Variants in CCDC13 observed in about 807,000 individuals in gnomAD.
CCDC13 encodes the protein coiled-coil domain-containing protein 13.
Under a neutral mutation model 87.3 loss-of-function variants are expected in CCDC13, and 70 were observed. The ratio of observed to expected loss-of-function variants is 0.80; its 90% CI spans 0.66 to 0.98. CCDC13 has a LOEUF of 0.98. Among genes scored for constraint, CCDC13 ranks in the 50% least tolerant of loss-of-function variants. The pLI, the probability that CCDC13 is intolerant of heterozygous loss-of-function variation, is 0.00. For synonymous variants in CCDC13, 317 were observed against 360.3 expected, an observed-to-expected ratio of 0.88 and a Z score of 1.36; for missense variants, 842 against 892.0, an observed-to-expected ratio of 0.94 and a Z score of 0.71.
At chr3:42,718,866 A>G (rs1344261717) in intron 13 of CCDC13, 1 of 152,200 alleles carries the variant, frequency 6.6e-6, no homozygotes, top group Non-Finnish European at 1.5e-5. Flanking sequence ...AGTGGGGTAC[A>G]TAAACCCAGG....
chr3:42,761,456 G>A (rs1285256708), intron 1 of CCDC13, among the ~76,000 whole-genome samples: 1 of 152,132 alleles, frequency 6.6e-6, no homozygotes, highest in Non-Finnish European at 1.5e-5. Context: ...AGAGTCATCT[G>A]ACACATTATA....
At chr3:42,759,634 G>A (rs1463880123) in intron 1 of CCDC13, among the ~76,000 whole-genome samples, 2 of 152,062 alleles carry the variant, frequency 1.3e-5, no homozygotes, top group South Asian at 2.1e-4. Flanking sequence ...AAGCTCATTC[G>A]TTTTTATTAC....
chr3:42,758,460 C>A, intron 1 of CCDC13, 109 bp from the exon 2 acceptor site: 1 of 1,001,098 alleles, frequency 1.0e-6, no homozygotes. Flanking sequence ...CTTCGCGTTG[C>A]ATGTATGTCC....
At chr3:42,732,171 T>C (rs1169422453) in intron 12 of CCDC13, among the ~76,000 whole-genome samples, 1 of 152,194 alleles carries the variant, frequency 6.6e-6, no homozygotes, top group Non-Finnish European at 1.5e-5. Context: ...CCCAGCCTGA[T>C]GGGTGGGGCA....
rs961813439 is a variant in CCDC13, at chr3:42,745,912, G to A, written c.825+11C>T. Reference sequence around the variant, plus strand: ...TTGTTCAGGCCAGGAGAAGTCTGATGACTCACTCACCTTGCTCTGCAAAAC... The same window carrying A: ...TTGTTCAGGCCAGGAGAAGTCTGATAACTCACTCACCTTGCTCTGCAAAAC... On this transcript the variant is annotated intron_variant, in intron 7 of 15. Coordinates refer to ENST00000310232, the MANE Select transcript of CCDC13 (RefSeq NM_144719.4). 6.2e-7 allele frequency: 1 copy of A among 1,601,622 alleles called. No individual in the cohort carries two copies. Among genetic ancestry groups the A allele is most frequent in the Non-Finnish European group, 8.6e-7 (1 of 1,168,716 alleles).
At position 42,735,287 on chromosome 3, in the gene CCDC13, G is replaced by T. The variant is rs1698970928; in HGVS notation, c.1371+420C>A. Among the ~76,000 whole-genome samples, 8 of 151,690 alleles carry T rather than the reference G, an allele frequency of 5.3e-5. 1 individual carries two copies. In the South Asian group the frequency reaches 1.7e-3, roughly 32 times the overall value. On this transcript the variant is annotated intron_variant, in intron 10 of 15. Transcript: ENST00000310232. ...GTAGCAGAGTGTAGGGAAAGGGGAG[G>T]GGTGAAGAGAAGATGCAGGAGGGGT...
intron 14 of CCDC13, 21 bp downstream of exon 14, chr3:42,713,141 G>A (rs748118559): frequency 5.6e-6 from 9 of 1,610,718 alleles, no homozygotes; most frequent in South Asian, 1.1e-5. Flanking sequence ...CCTGCACTGA[G>A]ACTACTGCCC....
At chr3:42,757,034 G>A in intron 3 of CCDC13, 32 bp downstream of exon 3, 1 of 1,605,450 alleles carries the variant, frequency 6.2e-7, no homozygotes, top group South Asian at 1.1e-5. Flanking sequence ...TGGACTGCAG[G>A]GCAAGGACTA....
At chr3:42,738,909 C>G (rs1473603280) in intron 9 of CCDC13, among the ~76,000 whole-genome samples, 1 of 152,194 alleles carries the variant, frequency 6.6e-6, no homozygotes, top group African/African-American at 2.4e-5. Flanking sequence ...ATTTCTTTCT[C>G]TTGCCTGATC....
At chr3:42,733,852 T>A (rs1365382236) in intron 10 of CCDC13, among the ~76,000 whole-genome samples, 2 of 152,224 alleles carry the variant, frequency 1.3e-5, no homozygotes, top group Non-Finnish European at 2.9e-5. Flanking sequence ...GAAGCTGTTC[T>A]ACATTCAGGT....
intron 13 of CCDC13, among the ~76,000 whole-genome samples, chr3:42,714,891 CAAGT>C (rs150632329): frequency 6.6e-6 from 1 of 152,290 alleles, no homozygotes; most frequent in African/African-American, 2.4e-5. Flanking sequence ...AGGGGACAAA[CAAGT>C]AAGTGGTAAC....
chr3:42,759,110 C>G (rs1699772785), intron 1 of CCDC13, among the ~76,000 whole-genome samples: 1 of 152,118 alleles, frequency 6.6e-6, no homozygotes, highest in South Asian at 2.1e-4. Context: ...TGCTTGAGAC[C>G]AGGAGTTTGA....
chr3:42,727,948 A>G (rs924190193), intron 13 of CCDC13, among the ~76,000 whole-genome samples: 1 of 152,248 alleles, frequency 6.6e-6, no homozygotes, highest in Non-Finnish European at 1.5e-5. Context: ...AATATTACCA[A>G]AATCAAAGTG....
chr3:42,726,331 T>C (rs1466935468), intron 13 of CCDC13, among the ~76,000 whole-genome samples: 1 of 152,156 alleles, frequency 6.6e-6, no homozygotes, highest in East Asian at 1.9e-4. Flanking sequence ...CATGAGCCAC[T>C]GTGCCTGGCT....
chr3:42,722,502 C>G (rs2125875510), intron 13 of CCDC13, among the ~76,000 whole-genome samples: 1 of 152,266 alleles, frequency 6.6e-6, no homozygotes. Flanking sequence ...GTCATAAAGA[C>G]CCTGCTGATA....
chr3:42,733,323 A>G, intron 11 of CCDC13, 147 bp downstream of exon 11: 1 of 1,003,412 alleles, frequency 1.0e-6, no homozygotes, highest in Non-Finnish European at 1.6e-6. Flanking sequence ...AGCTAATGTC[A>G]TAGGAGAGGC....
At chr3:42,749,558 G>A (rs1389458693) in intron 5 of CCDC13, among the ~76,000 whole-genome samples, 1 of 152,262 alleles carries the variant, frequency 6.6e-6, no homozygotes, top group Non-Finnish European at 1.5e-5. Context: ...AGCCTGGCTT[G>A]AGTGGGCAGC....
intron 4 of CCDC13, 64 bp downstream of exon 4, chr3:42,752,511 G>A (rs1699609261): frequency 6.3e-7 from 1 of 1,598,728 alleles, no homozygotes; most frequent in South Asian, 1.1e-5. Context: ...GGAGAAGCTA[G>A]GGAGGTTCCC....
intron 6 of CCDC13, chr3:42,746,372 GC>G: frequency 3.9e-6 from 1 of 253,702 alleles, no homozygotes; most frequent in African/African-American, 2.2e-5. Flanking sequence ...GTCACCTAGT[GC>G]TGAGCTAATT....
Sources: gnomAD v4.1 joint callset for allele counts (sites outside exome capture counted in the v4.1 genomes callset) on GRCh38, gnomAD v4.1.1 for gene constraint, MANE v1.5 for transcripts, NCBI Gene and HGNC (gene_info 2026-07-23, HGNC 2026-07-21) for gene names.